AMOTL1: variants seen among roughly 807,000 people sequenced by gnomAD.
The protein encoded by AMOTL1 is angiomotin-like protein 1.
A neutral mutation model predicts 102.9 loss-of-function variants in AMOTL1; 45 were observed. The observed-to-expected ratio is 0.44, with a 90% CI of 0.34 to 0.56. AMOTL1 has a LOEUF of 0.56. Ranked by LOEUF, AMOTL1 falls within the 20% of genes least tolerant of loss-of-function variation. AMOTL1 has a pLI of 0.01. For missense variants in AMOTL1, 1,114 were observed against 1,225.6 expected (o/e 0.91, Z 1.36); for synonymous variants, 481 against 484.7 (o/e 0.99, Z 0.10).
intron 9 of AMOTL1, among the ~76,000 whole-genome samples, chr11:94,861,261 C>G (rs147779450): frequency 6.6e-6 from 1 of 152,148 alleles, no homozygotes; most frequent in Non-Finnish European, 1.5e-5. Context: ...AGTTCAGTCC[C>G]TGCAGTATAT....
chr11:94,786,973 T>C (rs1422849271), intron 1 of AMOTL1, among the ~76,000 whole-genome samples: 1 of 152,186 alleles, frequency 6.6e-6, no homozygotes, highest in African/African-American at 2.4e-5. Flanking sequence ...GCTGTGATCT[T>C]ATTTCTGCTA....
chr11:94,710,616 C>T (rs1466234978), intron 1 of AMOTL1, among the ~76,000 whole-genome samples: 7 of 152,288 alleles, frequency 4.6e-5, no homozygotes, highest in South Asian at 2.1e-4. Flanking sequence ...TGTTGCAAGT[C>T]CCAAAGCCAC....
At chr11:94,804,719 A>C (rs981361423) in intron 3 of AMOTL1, among the ~76,000 whole-genome samples, 24 of 151,286 alleles carry the variant, frequency 1.6e-4, no homozygotes, top group South Asian at 6.4e-4. Flanking sequence ...CTTGTTCCTA[A>C]GACTTATATA....
intron 1 of AMOTL1, among the ~76,000 whole-genome samples, chr11:94,780,990 A>T (rs1306559649): frequency 6.6e-6 from 1 of 152,100 alleles, no homozygotes; most frequent in Non-Finnish European, 1.5e-5. Flanking sequence ...GCTTGACAAC[A>T]TCATTCTCTT....
intron 3 of AMOTL1, among the ~76,000 whole-genome samples, chr11:94,802,019 C>A (rs1012106708): frequency 6.6e-6 from 1 of 152,188 alleles, no homozygotes; most frequent in Non-Finnish European, 1.5e-5. Context: ...TGGAGGTTGG[C>A]AGAGGGAGAG....
At chr11:94,740,752 C>A (rs1278301951) in intron 2 of AMOTL1, among the ~76,000 whole-genome samples, 1 of 152,112 alleles carries the variant, frequency 6.6e-6, no homozygotes, top group Non-Finnish European at 1.5e-5. Context: ...CAAGTTTCTG[C>A]GGCGATTTGT....
chr11:94,800,040 A>G lies in AMOTL1; in HGVS notation c.850A>G (p.Asn284Asp). 6.2e-7 allele frequency: 1 copy of G among 1,613,918 alleles called. No individual in the cohort carries two copies. Among genetic ancestry groups the G allele is most frequent in the Non-Finnish European group, 8.5e-7 (1 of 1,179,854 alleles). The change falls in exon 3 of 13, where the codon AAT becomes GAT. Residue 284 changes from asparagine to aspartate, a missense_variant. By Grantham distance (23) the Asn-to-Asp change is conservative (BLOSUM62 1). Transcript: ENST00000433060. ...GAKQHLPGSGNGKGFKVGGGP... is the reference protein window; with the variant it reads ...GAKQHLPGSGDGKGFKVGGGP... ...CAAGCAACACCTTCCCGGCTCGGGGAATGGAAAGGGCTTCAAAGTAGGAGG... is the reference window on the plus strand; with the variant it reads ...CAAGCAACACCTTCCCGGCTCGGGGGATGGAAAGGGCTTCAAAGTAGGAGG...
chr11:94,743,651 CTTTTTTTTTTTTT>C (rs760828820), intron 3 of AMOTL1, among the ~76,000 whole-genome samples: 9 of 98,188 alleles, frequency 9.2e-5, no homozygotes, highest in Non-Finnish European at 1.7e-4. Context: ...CACAATACTT[CTTTTTTTTTTTTT>C]TTTTTTTTTT....
At position 94,872,825 on chromosome 11, in the gene AMOTL1, G is replaced by C. The variant is rs776753164; in HGVS notation, c.*2030G>C. On this transcript the variant is annotated 3_prime_UTR_variant, in exon 13 of 13. Coordinates refer to ENST00000433060, the MANE Select transcript of AMOTL1 (RefSeq NM_130847.3). The stretch of plus-strand genomic sequence containing the variant: ...AGAGGGCACAGGAGGCCTCATCCAT[G>C]GGGGAAAGGGTTGAGGATGGACATG... 2.0e-5 allele frequency: 3 copies of C among 152,244 alleles called. No individual in the cohort carries two copies. The highest frequency in any genetic ancestry group is 4.4e-5 in the Non-Finnish European group (3 of 68,096). 9.4% of individuals were successfully genotyped at this position (152,244 alleles called of 1,614,324 possible). A position where few individuals can be genotyped will look rare whatever the true frequency, so the allele number is the denominator to read the frequency against.
At chr11:94,828,117 C>G (rs1011098541) in intron 4 of AMOTL1, among the ~76,000 whole-genome samples, 5 of 152,168 alleles carry the variant, frequency 3.3e-5, no homozygotes, top group African/African-American at 1.2e-4. Context: ...TCTCCAAACC[C>G]AGACTGGTTT....
chr11:94,863,851 G>A (rs936525034), intron 9 of AMOTL1, among the ~76,000 whole-genome samples: 4 of 152,196 alleles, frequency 2.6e-5, no homozygotes, highest in Non-Finnish European at 5.9e-5. Context: ...TCAGACAGAT[G>A]CTTGCAGTGA....
rs751902994 is a variant in AMOTL1, at chr11:94,799,937, G to A, written c.747G>A (p.Ala249=). The A allele has an allele frequency of 9.9e-6, 16 of 1,613,326 alleles. No individual in the cohort carries two copies. Among genetic ancestry groups the A allele is most frequent in the African/African-American group, 4.0e-5 (3 of 74,944 alleles). The stretch of plus-strand genomic sequence containing the variant: ...GTGGACAGGCGCATAAGGACGAGGC[G>A]CTGAAGGAACTGAAGCAGGGCCACG... ...ANSGQAHKDE[A]LKELKQGHVR... is the part of the protein sequence containing the mutation. Residue 249 remains alanine (A), a synonymous_variant, in exon 3 of 13, where the codon GCG becomes GCA. Coordinates refer to ENST00000433060, the MANE Select transcript of AMOTL1 (RefSeq NM_130847.3). This position sits in a 1 kb window ranked among gnomAD's most constrained non-coding sequence, Gnocchi z 4.5.
intron 9 of AMOTL1, among the ~76,000 whole-genome samples, chr11:94,861,656 C>G (rs1952776237): frequency 6.6e-6 from 1 of 152,166 alleles, no homozygotes; most frequent in African/African-American, 2.4e-5. Flanking sequence ...ATGATGAGAG[C>G]AGGGAACCTG....
chr11:94,794,896 T>A (rs1951337928), intron 1 of AMOTL1, 115 bp from the exon 2 acceptor site: 1 of 1,175,026 alleles, frequency 8.5e-7, no homozygotes, highest in African/African-American at 1.5e-5. Context: ...AAGAAAGAGC[T>A]CCCTCTGCCA....
intron 1 of AMOTL1, among the ~76,000 whole-genome samples, chr11:94,727,973 C>A (rs964020684): frequency 6.6e-6 from 1 of 152,192 alleles, no homozygotes; most frequent in African/African-American, 2.4e-5. Context: ...ACCCGCAGGG[C>A]AACTCTGAAC....
Position 94,768,383 on chromosome 11 carries a change from A to C in AMOTL1, c.-129A>C, listed in dbSNP as rs560858609. ...CGCGCGAGAAGCTCTAGGACCCAGC[A>C]GCGGTTGTCGGGTTTGGGGCTGGAG... On this transcript the variant is annotated 5_prime_UTR_variant, in exon 1 of 13. Coordinates refer to ENST00000433060, the MANE Select transcript of AMOTL1 (RefSeq NM_130847.3). 49 of 1,494,808 alleles carry C rather than the reference A, an allele frequency of 3.3e-5. No individual in the cohort carries two copies. The highest frequency in any genetic ancestry group is 1.1e-4 in the African/African-American group (8 of 71,826). 92.6% of individuals were successfully genotyped at this position (1,494,808 alleles called of 1,614,324 possible). A position where few individuals can be genotyped will look rare whatever the true frequency, so the allele number is the denominator to read the frequency against.
At position 94,853,971 on chromosome 11, in the gene AMOTL1, G is replaced by T; in HGVS notation, c.1833G>T (p.Lys611Asn). 6.2e-7 allele frequency: 1 copy of T among 1,607,078 alleles called. No homozygotes were observed. The highest frequency in any genetic ancestry group is 8.5e-7 in the Non-Finnish European group (1 of 1,176,452). Residue 611 changes from lysine (K) to asparagine (N), a missense_variant, in exon 8 of 13, where the codon AAG becomes AAT. Lys to Asn is a moderately conservative substitution (Grantham distance 94, BLOSUM62 0). Coordinates refer to ENST00000433060, the MANE Select transcript of AMOTL1 (RefSeq NM_130847.3). ...AAGCATATGTTGAGAAAGTTGAGAA[G>T]CTGCAGCAGGCCCTGACCCAGCTGC... ...EKQAYVEKVEKLQQALTQLQS... is the reference protein window; with the variant it reads ...EKQAYVEKVENLQQALTQLQS...
At chr11:94,722,062 G>A (rs944350533) in intron 1 of AMOTL1, among the ~76,000 whole-genome samples, 1 of 152,038 alleles carries the variant, frequency 6.6e-6, no homozygotes, top group Non-Finnish European at 1.5e-5. Flanking sequence ...CTCTCCTGGG[G>A]TTTCCCAACC....
chr11:94,816,502 T>G (rs973145347), intron 3 of AMOTL1, among the ~76,000 whole-genome samples: 2 of 152,208 alleles, frequency 1.3e-5, no homozygotes, highest in African/African-American at 4.8e-5. Flanking sequence ...AGAAGATCTT[T>G]TCTTTTGCCT....
Sources: gnomAD v4.1 joint callset for allele counts (sites outside exome capture counted in the v4.1 genomes callset) on GRCh38, gnomAD v4.1.1 for gene constraint, Gnocchi (gnomAD v3.1) non-coding constraint, MANE v1.5 for transcripts, NCBI Gene and HGNC (gene_info 2026-07-23, HGNC 2026-07-21) for gene names.